Variants in ZBTB20 observed in about 807,000 individuals in gnomAD.
ZBTB20 encodes zinc finger and BTB domain containing 20.
Under a neutral mutation model 56.9 loss-of-function variants are expected in ZBTB20, and 9 were observed. The observed-to-expected ratio is 0.16, with a 90% confidence interval of 0.10 to 0.28. The LOEUF (loss-of-function observed/expected upper bound fraction) is 0.28. Among genes scored for constraint, ZBTB20 ranks in the 10% least tolerant of loss-of-function variants. The pLI is 1.00. For missense variants in ZBTB20, 655 were observed against 1,003.0 expected (o/e 0.65, Z 4.69); for synonymous variants, 417 against 420.7 (o/e 0.99, Z 0.11).
chr3:114,326,371 T>C lies in ZBTB20; in HGVS notation c.*12634A>G, dbSNP rs1309626045. 4 of 152,204 alleles carry C rather than the reference T, an allele frequency of 2.6e-5. No homozygotes were observed. Among genetic ancestry groups the C allele is most frequent in the African/African-American group, 9.6e-5 (4 of 41,460 alleles). 9.4% of individuals were successfully genotyped at this position (152,204 alleles called of 1,614,324 possible). ...TGTTAGTTTAGGTAAATACGGTTTCTTTCTCAAGGAACAGGTTTTTGTTTT... is the reference window on the plus strand; with the variant it reads ...TGTTAGTTTAGGTAAATACGGTTTCCTTCTCAAGGAACAGGTTTTTGTTTT... On this transcript the variant is annotated 3_prime_UTR_variant, in exon 12 of 12. Coordinates refer to ENST00000675478, the MANE Select transcript of ZBTB20 (RefSeq NM_001348800.3).
At position 114,828,489 on chromosome 3, in the gene ZBTB20, G is replaced by T. The variant is rs150033011; in HGVS notation, c.-416-27315C>A. On this transcript the variant is annotated intron_variant, in intron 4 of 11. Coordinates refer to ENST00000675478, the MANE Select transcript of ZBTB20 (RefSeq NM_001348800.3). The stretch of plus-strand genomic sequence containing the variant: ...TAAGAGAAAATGAAACATGGAAATT[G>T]TTTTGTTATGTGATTAACTTTTTAA... Among the ~76,000 whole-genome samples the T allele has an allele frequency of 1.4e-4, 22 of 151,874 alleles. 1 individual carries two copies. Among genetic ancestry groups the T allele is most frequent in the African/African-American group, 4.3e-4 (18 of 41,494 alleles).
intron 3 of ZBTB20, among the ~76,000 whole-genome samples, chr3:114,915,533 C>T (rs1401848285): frequency 6.6e-6 from 1 of 151,630 alleles, no homozygotes; most frequent in Non-Finnish European, 1.5e-5. Flanking sequence ...AAAAAACCAA[C>T]TTTTCATTTC....
In ZBTB20 at chr3:114,338,644, A is replaced by C; in HGVS notation, c.*361T>G. On this transcript the variant is annotated 3_prime_UTR_variant, in exon 12 of 12. Coordinates refer to ENST00000675478, the MANE Select transcript of ZBTB20 (RefSeq NM_001348800.3). ...TATATTTTTTGTAGTGCTCTTCACA[A>C]GTGGAAATTTTTTTTTTTTTTTTAC... The C allele has an allele frequency of 5.8e-6, 1 of 171,104 alleles. No individual in the cohort carries two copies. The highest frequency in any genetic ancestry group is 1.2e-5 in the Non-Finnish European group (1 of 80,982). 10.6% of individuals were successfully genotyped at this position (171,104 alleles called of 1,614,324 possible).
intron 2 of ZBTB20, among the ~76,000 whole-genome samples, chr3:115,002,859 A>G (rs1301059447): frequency 6.6e-6 from 1 of 151,670 alleles, no homozygotes; most frequent in East Asian, 2.0e-4. Flanking sequence ...CTACACATAA[A>G]TGTTTATAGC....
chr3:114,465,727 G>A (rs921247136), intron 7 of ZBTB20, among the ~76,000 whole-genome samples: 7 of 151,166 alleles, frequency 4.6e-5, no homozygotes, highest in Admixed American at 3.3e-4. Flanking sequence ...AAGAAAGAAA[G>A]AAAAGAAAGG....
intron 7 of ZBTB20, among the ~76,000 whole-genome samples, chr3:114,499,688 A>AT (rs1290312399): frequency 6.6e-6 from 1 of 152,192 alleles, no homozygotes; most frequent in African/African-American, 2.4e-5. Flanking sequence ...CCTGGTTTGA[A>AT]TTTTAAATAA....
chr3:115,057,262 T>A (rs559933900), intron 2 of ZBTB20, among the ~76,000 whole-genome samples: 15 of 147,732 alleles, frequency 1.0e-4, no homozygotes, highest in African/African-American at 3.6e-4. Flanking sequence ...GTGTTCTTTA[T>A]TTTTTTTTCT....
chr3:114,440,106 T>TA (rs1362672781), intron 7 of ZBTB20, among the ~76,000 whole-genome samples: 3 of 151,584 alleles, frequency 2.0e-5, no homozygotes, highest in East Asian at 1.9e-4. Flanking sequence ...TTTTTTTTTT[T>TA]AAAAAGTGAC....
At chr3:115,088,893 T>C in intron 1 of ZBTB20, among the ~76,000 whole-genome samples, 1 of 151,886 alleles carries the variant, frequency 6.6e-6, no homozygotes, top group East Asian at 1.9e-4. Flanking sequence ...TAGGTAAAAT[T>C]GGAATTTTCC....
Position 114,592,364 on chromosome 3 carries a change from T to C in ZBTB20, c.-294-91973A>G, listed in dbSNP as rs148385297. Among the ~76,000 whole-genome samples, 269 of 152,342 alleles carry C rather than the reference T, an allele frequency of 1.8e-3. 2 individuals are homozygous for C. Among genetic ancestry groups the C allele is most frequent in the Middle Eastern group, 0.014 (4 of 294 alleles). ...ATCAAGGCGTTGTGTCCTGGTATCA[T>C]CAAACGATGGGCAAATCGATTTCAT... On this transcript the variant is annotated intron_variant, in intron 6 of 11. Coordinates refer to ENST00000675478, the MANE Select transcript of ZBTB20 (RefSeq NM_001348800.3).
intron 3 of ZBTB20, among the ~76,000 whole-genome samples, chr3:114,964,072 C>T (rs1422089599): frequency 6.6e-6 from 1 of 152,130 alleles, no homozygotes; most frequent in Middle Eastern, 3.2e-3. Context: ...ATGACATACT[C>T]CCTTCTCTCA....
intron 6 of ZBTB20, among the ~76,000 whole-genome samples, chr3:114,682,436 G>T (rs1317815273): frequency 1.3e-5 from 2 of 152,080 alleles, no homozygotes; most frequent in Admixed American, 6.6e-5. Context: ...TAATACTGAG[G>T]GGGGAGAAAA....
intron 4 of ZBTB20, among the ~76,000 whole-genome samples, chr3:114,892,753 T>A (rs886819927): frequency 2.6e-5 from 4 of 152,188 alleles, no homozygotes; most frequent in African/African-American, 9.7e-5. Flanking sequence ...TCCCAGGACA[T>A]CAAACTAGTT....
At chr3:114,456,479 A>C (rs1225925121) in intron 7 of ZBTB20, among the ~76,000 whole-genome samples, 2 of 152,126 alleles carry the variant, frequency 1.3e-5, no homozygotes, top group Admixed American at 6.6e-5. Flanking sequence ...TCGTTTCTAA[A>C]ATATAGGCAC....
At chr3:115,052,380 C>T (rs1270970199) in intron 2 of ZBTB20, among the ~76,000 whole-genome samples, 1 of 151,902 alleles carries the variant, frequency 6.6e-6, no homozygotes, top group Non-Finnish European at 1.5e-5. Context: ...TCGCTAGAAC[C>T]AGGTAGTTGG....
chr3:114,801,305 C>CTTTTTTT (rs1271102943), intron 4 of ZBTB20, 131 bp from the exon 5 acceptor site: 14 of 55,320 alleles, frequency 2.5e-4, no homozygotes, highest in South Asian at 5.3e-4. Context: ...TTCTTTTTTT[C>CTTTTTTT]TTTTTTTTTT....
chr3:114,335,513 T>C lies in ZBTB20; in HGVS notation c.*3492A>G, dbSNP rs1008708373. The C allele has an allele frequency of 3.3e-5, 5 of 152,214 alleles. No homozygotes were observed. The highest frequency in any genetic ancestry group is 1.2e-4 in the African/African-American group (5 of 41,436). The allele number at this position is 152,214 out of a possible 1,614,324, so 9.4% of individuals were successfully genotyped here. A position where few individuals can be genotyped will look rare whatever the true frequency, so the allele number is the denominator to read the frequency against. Reference sequence around the variant, plus strand: ...TCCTTTTGAAACAGGTCCAGATTGGTTTATTTCCTAAAATGTGGGTCAGTT... The same window carrying C: ...TCCTTTTGAAACAGGTCCAGATTGGCTTATTTCCTAAAATGTGGGTCAGTT... On this transcript the variant is annotated 3_prime_UTR_variant, in exon 12 of 12. Transcript: ENST00000675478.
At chr3:114,715,579 G>C (rs557823508) in intron 5 of ZBTB20, among the ~76,000 whole-genome samples, 70 of 152,274 alleles carry the variant, frequency 4.6e-4, no homozygotes, top group African/African-American at 1.6e-3. Flanking sequence ...TGTAGGCTTA[G>C]ACCTGTCCCC....
intron 5 of ZBTB20, among the ~76,000 whole-genome samples, chr3:114,750,752 T>C (rs969418632): frequency 2.6e-5 from 4 of 152,210 alleles, no homozygotes; most frequent in Non-Finnish European, 4.4e-5. Flanking sequence ...CATATGTAGC[T>C]ACCACTGTAA....
Sources: allele counts gnomAD v4.1 joint callset (sites outside exome capture counted in the v4.1 genomes callset), GRCh38; gene constraint gnomAD v4.1.1; transcripts MANE v1.5; gene names NCBI Gene and HGNC (gene_info 2026-07-23, HGNC 2026-07-21).